Variants in KIF1B observed in about 807,000 individuals in gnomAD.
The protein encoded by KIF1B is kinesin family member 1B.
Under a neutral mutation model 241.9 loss-of-function variants are expected in KIF1B, and 76 were observed. The ratio of observed to expected loss-of-function variants is 0.31; its 90% CI spans 0.26 to 0.38. The LOEUF is 0.38. Ranked by LOEUF, KIF1B falls within the 10% of genes least tolerant of loss-of-function variation. The probability of loss-of-function intolerance (pLI) is 1.00; values close to 1 mark genes in which losing one functional copy is unlikely to be tolerated. For synonymous variants in KIF1B, 750 were observed against 796.7 expected, an observed-to-expected ratio of 0.94 and a Z score of 0.99; for missense variants, 1,622 against 2,271.4, an observed-to-expected ratio of 0.71 and a Z score of 5.81.
rs77885116 is a variant in KIF1B at position 10,381,481 on chromosome 1, T to C, written c.*4894T>C. ...TTCTTGTATTTGTACTAATTCTGATTCTTTTGCTGTATAGCCTTAGATGTG... is the reference window on the plus strand; with the variant it reads ...TTCTTGTATTTGTACTAATTCTGATCCTTTTGCTGTATAGCCTTAGATGTG... On this transcript the variant is annotated 3_prime_UTR_variant, in exon 49 of 49. Coordinates refer to ENST00000676179, the MANE Select transcript of KIF1B (RefSeq NM_001365951.3). 1,012 of 206,098 alleles carry C rather than the reference T, an allele frequency of 4.9e-3. 8 individuals are homozygous for C. Among genetic ancestry groups the C allele is most frequent in the African/African-American group, 0.022 (951 of 43,916 alleles). The allele number at this position is 206,098 out of a possible 1,614,324, so 12.8% of individuals were successfully genotyped here.
chr1:10,274,190 G>A (rs556452875), intron 10 of KIF1B, among the ~76,000 whole-genome samples: 9 of 145,842 alleles, frequency 6.2e-5, no homozygotes, highest in Admixed American at 1.3e-4. Context: ...CACCCACCTC[G>A]GCCTCCCAAA....
intron 39 of KIF1B, 52 bp from the exon 40 acceptor site, chr1:10,361,638 CTA>C (rs1044808643): frequency 6.2e-7 from 1 of 1,607,902 alleles, no homozygotes; most frequent in African/African-American, 1.3e-5. Context: ...TGTATAGACT[CTA>C]GTCACAGTAC....
Position 10,258,502 on chromosome 1 carries a change from C to T in KIF1B, c.193C>T (p.Pro65Ser), listed in dbSNP as rs1265938449. The T allele has an allele frequency of 6.2e-7, 1 of 1,613,972 alleles. No individual in the cohort carries two copies. The highest frequency in any genetic ancestry group is 1.7e-5 in the Admixed American group (1 of 60,022). ...CTTTTACTCTTTACAGCCCGAAGAT[C>T]CCTGTTTTGCATCTCAAAACCGTGT... ...SYWSHTSPEDPCFASQNRVYN... is the reference protein window; with the variant it reads ...SYWSHTSPEDSCFASQNRVYN... The change falls in exon 4 of 49, where the codon CCC (proline) becomes TCC (serine). Residue 65 changes from proline (P) to serine (S), a missense_variant. By Grantham distance (74) the Pro-to-Ser change is moderately conservative (BLOSUM62 -1). Coordinates refer to ENST00000676179, the MANE Select transcript of KIF1B (RefSeq NM_001365951.3).
chr1:10,350,814 G>A (rs1309217642), intron 37 of KIF1B, among the ~76,000 whole-genome samples: 2 of 151,442 alleles, frequency 1.3e-5, no homozygotes, highest in South Asian at 4.2e-4. Context: ...AAGAACCTTG[G>A]GGCCAGGCAC....
Position 10,369,457 on chromosome 1 carries a change from C to T in KIF1B, c.4824+919C>T, listed in dbSNP as rs144196921. On this transcript the variant is annotated intron_variant, in intron 44 of 48. Coordinates refer to ENST00000676179, the MANE Select transcript of KIF1B (RefSeq NM_001365951.3). ...CAGCCTGGGCAATATAGCACAAATACCCTATCTCTACAAAAAAATTTTTGA... is the reference window on the plus strand; with the variant it reads ...CAGCCTGGGCAATATAGCACAAATATCCTATCTCTACAAAAAAATTTTTGA... Among the ~76,000 whole-genome samples the T allele has an allele frequency of 9.3e-4, 142 of 152,116 alleles. 1 individual carries two copies. The highest frequency in any genetic ancestry group is 1.8e-3 in the Non-Finnish European group (120 of 67,998).
intron 7 of KIF1B, among the ~76,000 whole-genome samples, chr1:10,269,948 T>C (rs1648695570): frequency 6.6e-6 from 1 of 152,214 alleles, no homozygotes; most frequent in Admixed American, 6.5e-5. Context: ...TGAAGGTGTT[T>C]TTTGCCCTTC....
At chr1:10,230,165 T>C (rs1646962202) in intron 1 of KIF1B, among the ~76,000 whole-genome samples, 1 of 151,972 alleles carries the variant, frequency 6.6e-6, no homozygotes, top group Non-Finnish European at 1.5e-5. Context: ...GGTAGGGCAT[T>C]GAGGTAGAGA....
chr1:10,319,946 T>C, intron 22 of KIF1B, 97 bp from the exon 23 acceptor site: 3 of 786,274 alleles, frequency 3.8e-6, no homozygotes, highest in Non-Finnish European at 4.4e-6. Flanking sequence ...CCTTGTCCTT[T>C]GCTTTCTCTA....
At chr1:10,341,978 C>G in intron 32 of KIF1B, 72 bp from the exon 33 acceptor site, 1 of 909,608 alleles carries the variant, frequency 1.1e-6, no homozygotes, top group Non-Finnish European at 1.8e-6. Flanking sequence ...ACCCAAAATA[C>G]GTACTAAAGT....
At chr1:10,267,306 G>A in intron 5 of KIF1B, 74 bp from the exon 6 acceptor site, 1 of 1,321,880 alleles carries the variant, frequency 7.6e-7, no homozygotes, top group Non-Finnish European at 1.1e-6. Context: ...GGGATTACAG[G>A]CGTGAGCCAC....
At chr1:10,301,126 C>T (rs6681412) in intron 22 of KIF1B, among the ~76,000 whole-genome samples, 2,379 of 152,086 alleles carry the variant, frequency 0.016, 63 homozygotes, top group African/African-American at 0.053. Context: ...TGTTTGAGAC[C>T]AGTTTGGGTC....
intron 37 of KIF1B, among the ~76,000 whole-genome samples, chr1:10,351,199 T>A (rs570586782): frequency 5.3e-5 from 8 of 152,098 alleles, no homozygotes; most frequent in African/African-American, 1.9e-4. Context: ...GTTTTTTTTT[T>A]AACTTTATTT....
rs1001844844 is a variant in KIF1B at position 10,356,888 on chromosome 1, G to A, written c.4056-4041G>A. Among the ~76,000 whole-genome samples the A allele has an allele frequency of 6.1e-5, 9 of 146,656 alleles. No homozygotes were observed. The South Asian group carries it at 6.5e-4, about 11-fold the overall frequency. Reference sequence around the variant, plus strand: ...ACACTCCAGCCTGGCGACAGAGCTAGACTCCGTCTCTAAATAAATAAATAA... The same window carrying A: ...ACACTCCAGCCTGGCGACAGAGCTAAACTCCGTCTCTAAATAAATAAATAA... On this transcript the variant is annotated intron_variant, in intron 38 of 48. Coordinates refer to ENST00000676179, the MANE Select transcript of KIF1B (RefSeq NM_001365951.3).
chr1:10,334,843 C>T (rs1652105372), intron 28 of KIF1B, among the ~76,000 whole-genome samples: 1 of 152,176 alleles, frequency 6.6e-6, no homozygotes, highest in African/African-American at 2.4e-5. Flanking sequence ...CCTGCTTAGT[C>T]CAGACTACTG....
At chr1:10,267,256 G>A in intron 5 of KIF1B, 124 bp from the exon 6 acceptor site, 1 of 750,796 alleles carries the variant, frequency 1.3e-6, no homozygotes, top group Non-Finnish European at 2.4e-6. Context: ...TAGTTCGAGT[G>A]ATCTCAAGTG....
At chr1:10,368,169 C>G (rs574132140) in intron 43 of KIF1B, among the ~76,000 whole-genome samples, 24 of 152,306 alleles carry the variant, frequency 1.6e-4, no homozygotes, top group African/African-American at 5.5e-4. Context: ...TGGGCAACAT[C>G]GGAGCTGCAC....
chr1:10,235,000 C>T (rs1164107719), intron 2 of KIF1B, among the ~76,000 whole-genome samples: 2 of 151,770 alleles, frequency 1.3e-5, no homozygotes, highest in Non-Finnish European at 2.9e-5. Context: ...AGCGATTCTT[C>T]TGCCTCAGCC....
At chr1:10,243,413 C>T (rs977504315) in intron 2 of KIF1B, among the ~76,000 whole-genome samples, 3 of 152,122 alleles carry the variant, frequency 2.0e-5, no homozygotes, top group Non-Finnish European at 4.4e-5. Context: ...AACAAGACTG[C>T]GTCTCAAAAA....
chr1:10,329,195 G>T (rs1354293096), intron 27 of KIF1B, among the ~76,000 whole-genome samples: 1 of 152,198 alleles, frequency 6.6e-6, no homozygotes, highest in African/African-American at 2.4e-5. Context: ...TTCTAACCTT[G>T]CAAGAAAGGA....
Sources: allele counts gnomAD v4.1 joint callset (sites outside exome capture counted in the v4.1 genomes callset), GRCh38; gene constraint gnomAD v4.1.1; transcripts MANE v1.5; gene names NCBI Gene and HGNC (gene_info 2026-07-23, HGNC 2026-07-21).